The following MACF1 variants were observed in gnomAD, a reference collection of about 807,000 sequenced individuals.
MACF1 encodes the protein microtubule-actin cross-linking factor 1.
Under a neutral mutation model 854.8 loss-of-function variants are expected in MACF1, and 193 were observed. The ratio of observed to expected loss-of-function variants is 0.23; its 90% confidence interval spans 0.20 to 0.25. The LOEUF (loss-of-function observed/expected upper bound fraction) is 0.25, where lower values mean the gene tolerates loss of function less well. MACF1 is among the 10% of genes least tolerant of loss of function. The probability of loss-of-function intolerance (pLI) is 1.00; values close to 1 mark genes in which losing one functional copy is unlikely to be tolerated. For synonymous variants in MACF1, 3,185 were observed against 3,226.7 expected, an observed-to-expected ratio of 0.99 and a Z score of 0.44; for missense variants, 7,722 against 8,929.1, an observed-to-expected ratio of 0.86 and a Z score of 5.45.
At chr1:39,481,379 T>A (rs1354306106) in intron 99 of MACF1, among the ~76,000 whole-genome samples, 1 of 152,266 alleles carries the variant, frequency 6.6e-6, no homozygotes, top group African/African-American at 2.4e-5. Context: ...AGACGAGTTA[T>A]GAACACTTGA....
intron 6 of MACF1, chr1:39,260,354 T>G (rs1175950122): frequency 6.6e-6 from 1 of 152,004 alleles, no homozygotes; most frequent in Non-Finnish European, 1.5e-5. Context: ...CATTATTTCT[T>G]TCTTTTTCTT....
At chr1:39,241,162 T>A (rs763734314) in intron 2 of MACF1, among the ~76,000 whole-genome samples, 33 of 152,118 alleles carry the variant, frequency 2.2e-4, no homozygotes, top group Admixed American at 3.9e-4. Context: ...GAAATCTATC[T>A]GAAATTACTA....
chr1:39,311,654 G>GT (rs1037116015), intron 26 of MACF1, among the ~76,000 whole-genome samples: 14 of 152,120 alleles, frequency 9.2e-5, no homozygotes, highest in Admixed American at 4.6e-4. Context: ...AAAGATCCTT[G>GT]TTTTTTGGCT....
chr1:39,460,712 G>A lies in MACF1; in HGVS notation c.21441G>A (p.Val7147=). 5.0e-6 allele frequency: 8 copies of A among 1,614,224 alleles called. No homozygotes were observed. Among genetic ancestry groups the A allele is most frequent in the African/African-American group, 1.3e-5 (1 of 75,054 alleles). The stretch of plus-strand genomic sequence containing the variant: ...GGATGAATCACAAAAAGTCTCGAGT[G>A]ATGGATTTCTTCCGGCGCATTGATA... ...MRWMNHKKSR[V]MDFFRRIDKD... Residue 7147 remains valine, a synonymous_variant, in exon 92 of 101, where the codon GTG becomes GTA. Coordinates refer to ENST00000564288, the MANE Select transcript of MACF1 (RefSeq NM_001394062.1). The surrounding 1 kb of genome is among the most constrained non-coding windows in gnomAD (Gnocchi z 4.1).
chr1:39,277,096 G>A (rs1645451302), intron 6 of MACF1, among the ~76,000 whole-genome samples: 1 of 150,314 alleles, frequency 6.7e-6, no homozygotes, highest in Admixed American at 6.6e-5. Flanking sequence ...CACTCACATT[G>A]CATATGAAAC....
chr1:39,356,799 G>A (rs953357704), intron 44 of MACF1, among the ~76,000 whole-genome samples: 4 of 152,160 alleles, frequency 2.6e-5, no homozygotes, highest in East Asian at 3.8e-4. Context: ...AGTTCTGTTC[G>A]TTAACAAACT....
intron 79 of MACF1, among the ~76,000 whole-genome samples, chr1:39,444,399 G>A (rs1398887728): frequency 6.6e-6 from 1 of 151,956 alleles, no homozygotes. Flanking sequence ...TTTGCCACTT[G>A]TTATTTAGTA....
intron 40 of MACF1, among the ~76,000 whole-genome samples, chr1:39,341,178 C>T (rs1159125922): frequency 6.6e-6 from 1 of 151,360 alleles, no homozygotes; most frequent in Non-Finnish European, 1.5e-5. Flanking sequence ...GGACTATAGG[C>T]GCCTACCTCC....
intron 52 of MACF1, among the ~76,000 whole-genome samples, chr1:39,377,054 A>G (rs955276457): frequency 6.6e-6 from 1 of 152,036 alleles, no homozygotes; most frequent in East Asian, 1.9e-4. Flanking sequence ...TCTGTCGCCC[A>G]GACTGGAGTG....
chr1:39,477,135 T>TATACAC lies in MACF1; in HGVS notation c.21959-2662_21959-2661insTACACA, dbSNP rs71060314. On this transcript the variant is annotated intron_variant, in intron 97 of 100. Coordinates refer to ENST00000564288, the MANE Select transcript of MACF1 (RefSeq NM_001394062.1). ...CACTTAGTGTATATATATATATATA[T>TATACAC]ACACACACACACACACACAGATGTG... Among the ~76,000 whole-genome samples, 1,018 of 103,318 alleles carry TATACAC rather than the reference T, an allele frequency of 9.9e-3. 64 individuals are homozygous for TATACAC. Among genetic ancestry groups the TATACAC allele is most frequent in the African/African-American group, 0.035 (890 of 25,750 alleles). The allele number at this position is 103,318 out of a possible 152,430, so 67.8% of individuals were successfully genotyped here. A position where few individuals can be genotyped will look rare whatever the true frequency, so the allele number is the denominator to read the frequency against.
rs763403413 is a variant in MACF1, at chr1:39,186,268, CTT to C, written c.221-44901_221-44900del. Among the ~76,000 whole-genome samples, 6 of 118,090 alleles carry C rather than the reference CTT, an allele frequency of 5.1e-5. 1 individual carries two copies. The highest frequency in any genetic ancestry group is 3.5e-4 in the Admixed American group (4 of 11,434). The allele number at this position is 118,090 out of a possible 152,430, so 77.5% of individuals were successfully genotyped here. On this transcript the variant is annotated intron_variant, in intron 2 of 93. Coordinates refer to the MACF1 transcript ENST00000361689. ...TGTGTTTTGGTGGGGGGTGAAATGA[CTT>C]TTTTTTTTTTTTAATTTGAGACAGA... is the stretch of plus-strand genomic sequence containing the variant.
intron 2 of MACF1, among the ~76,000 whole-genome samples, chr1:39,176,067 G>A (rs535228719): frequency 1.6e-5 from 2 of 127,084 alleles, no homozygotes; most frequent in African/African-American, 5.9e-5. Flanking sequence ...CTGAGATTGC[G>A]CCACTGTACT....
intron 58 of MACF1, chr1:39,413,140 G>A (rs531168361): frequency 1.2e-6 from 2 of 1,612,386 alleles, no homozygotes; most frequent in South Asian, 1.1e-5. Context: ...GGCTGCTTTA[G>A]CTATTACAGT....
At position 39,334,070 on chromosome 1, in the gene MACF1, C is replaced by A; in HGVS notation, c.7482C>A (p.Ala2494=). The A allele has an allele frequency of 1.2e-6, 2 of 1,614,030 alleles. No individual in the cohort carries two copies. The highest frequency in any genetic ancestry group is 1.7e-6 in the Non-Finnish European group (2 of 1,180,008). ...GAGGTCTTTTGGAGAGAGAGGAGGC[C>A]GTTCGTTTGTTGACTAAGCAAGTGG... The part of the protein sequence containing the change: ...IDRGLLEREE[A]VRLLTKQVVD... The change falls in exon 37 of 101, where the codon GCC becomes GCA. Residue 2494 remains alanine, a synonymous_variant. Coordinates refer to ENST00000564288, the MANE Select transcript of MACF1 (RefSeq NM_001394062.1).
chr1:39,197,284 TA>T (rs1486890673), intron 2 of MACF1, among the ~76,000 whole-genome samples: 1 of 152,052 alleles, frequency 6.6e-6, no homozygotes, highest in African/African-American at 2.4e-5. Flanking sequence ...GCAGGCTTTT[TA>T]CCTGTAATAT....
Position 39,098,435 on chromosome 1 carries a change from A to T in MACF1, c.220+13997A>T, listed in dbSNP as rs12096759. Among the ~76,000 whole-genome samples, 823 of 152,334 alleles carry T rather than the reference A, an allele frequency of 5.4e-3. 5 individuals are homozygous for T. The highest frequency in any genetic ancestry group is 0.019 in the African/African-American group (803 of 41,582). ...GCAACCCACTGCCTCCCCCATTACA[A>T]GGAACAGTAGTTTAATAACAGCTAA... On this transcript the variant is annotated intron_variant, in intron 2 of 93. Coordinates refer to the MACF1 transcript ENST00000361689.
chr1:39,120,685 A>G (rs886697255), intron 2 of MACF1, among the ~76,000 whole-genome samples: 5 of 152,146 alleles, frequency 3.3e-5, no homozygotes, highest in African/African-American at 7.2e-5. Flanking sequence ...TCTTTTAAAA[A>G]TTTGTTTTTA....
At chr1:39,277,913 T>G (rs1645468216) in intron 6 of MACF1, among the ~76,000 whole-genome samples, 3 of 152,334 alleles carry the variant, frequency 2.0e-5, no homozygotes, top group African/African-American at 7.2e-5. Context: ...CTTTTCTTGT[T>G]CTTCTCCATG....
At chr1:39,223,863 G>A (rs1644682703) in intron 1 of MACF1, among the ~76,000 whole-genome samples, 1 of 152,088 alleles carries the variant, frequency 6.6e-6, no homozygotes, top group Admixed American at 6.6e-5. Context: ...GCTCACTGAA[G>A]GATTTTAAGT....
Sources: allele counts gnomAD v4.1 joint callset (sites outside exome capture counted in the v4.1 genomes callset), GRCh38; gene constraint gnomAD v4.1.1; non-coding constraint Gnocchi (gnomAD v3.1); transcripts MANE v1.5; gene names NCBI Gene and HGNC (gene_info 2026-07-23, HGNC 2026-07-21).